LEMD1: variants seen among roughly 807,000 people sequenced by gnomAD.
LEMD1 encodes LEM domain-containing protein 1.
LEMD1 carries 18 observed loss-of-function variants against 17.4 expected under a neutral mutation model. That is an observed-to-expected ratio of 1.04 (90% CI 0.72 to 1.54). LEMD1 has a LOEUF of 1.54. Among genes scored for constraint, LEMD1 ranks in the 40% most tolerant of loss-of-function variants. LEMD1 has a pLI of 0.00. For missense variants in LEMD1, 195 were observed against 210.4 expected (o/e 0.93, Z 0.45); for synonymous variants, 88 against 77.8 (o/e 1.13, Z -0.69).
intron 4 of LEMD1, among the ~76,000 whole-genome samples, chr1:205,415,697 G>A (rs994604969): frequency 6.6e-6 from 1 of 152,146 alleles, no homozygotes; most frequent in Admixed American, 6.5e-5. Context: ...ACTGTGCTAG[G>A]AGGCTTAGAT....
At chr1:205,412,863 A>C (rs1161968574) in intron 4 of LEMD1, among the ~76,000 whole-genome samples, 1 of 152,232 alleles carries the variant, frequency 6.6e-6, no homozygotes, top group African/African-American at 2.4e-5. Flanking sequence ...CACTGGTCCT[A>C]GCTGATGCAT....
At chr1:205,390,479 C>T (rs551384638) in intron 4 of LEMD1, among the ~76,000 whole-genome samples, 14 of 152,224 alleles carry the variant, frequency 9.2e-5, no homozygotes, top group African/African-American at 2.6e-4. Flanking sequence ...AGAAGTATTT[C>T]CTTTAAAATC....
chr1:205,416,407 A>G, intron 3 of LEMD1, 111 bp from the exon 4 acceptor site: 1 of 734,406 alleles, frequency 1.4e-6, no homozygotes, highest in Non-Finnish European at 2.2e-6. Flanking sequence ...CATTTTTGCA[A>G]GGGGATGAAA....
At chr1:205,393,703 G>A (rs545548548) in intron 4 of LEMD1, among the ~76,000 whole-genome samples, 1 of 151,814 alleles carries the variant, frequency 6.6e-6, no homozygotes, top group African/African-American at 2.4e-5. Context: ...AATAGCAAGT[G>A]TTAGCAAGGA....
intron 4 of LEMD1, among the ~76,000 whole-genome samples, chr1:205,410,957 T>A (rs1665364555): frequency 5.0e-4 from 52 of 103,304 alleles, no homozygotes; most frequent in Middle Eastern, 7.7e-3. Flanking sequence ...AAGGAAGAAA[T>A]AGAGAAAGAA....
chr1:205,404,597 C>A (rs1028009646), intron 4 of LEMD1, among the ~76,000 whole-genome samples: 1 of 152,168 alleles, frequency 6.6e-6, no homozygotes. Flanking sequence ...ATGTGTGTCT[C>A]TGCACGTGAG....
At chr1:205,397,227 G>T (rs1183751544) in intron 4 of LEMD1, among the ~76,000 whole-genome samples, 2 of 152,136 alleles carry the variant, frequency 1.3e-5, no homozygotes, top group African/African-American at 4.8e-5. Context: ...CATCACTCAG[G>T]TGCCTGGTCT....
rs943661575 is a variant in LEMD1 at position 205,434,175 on chromosome 1, G to T, written c.-38-13601C>A. Among the ~76,000 whole-genome samples, 3 of 88,610 alleles carry T rather than the reference G, an allele frequency of 3.4e-5. No homozygotes were observed. The South Asian group carries it at 1.7e-3, about 49-fold the overall frequency. The allele number at this position is 88,610 out of a possible 152,430, so 58.1% of individuals were successfully genotyped here. ...TTAGGTTCTGAGAAGCCCAACTAAG[G>T]ATTCTTATCTTTCTTTTTTTTTCTC... On this transcript the variant is annotated intron_variant, in intron 1 of 3. Coordinates refer to the LEMD1 transcript ENST00000367154.
chr1:205,440,945 C>T (rs1666283770), intron 1 of LEMD1: 1 of 152,422 alleles, frequency 6.6e-6, no homozygotes, highest in Admixed American at 6.5e-5. Flanking sequence ...GTCTCCCGCT[C>T]TCTGTGAACT....
chr1:205,395,402 C>G (rs933253827), intron 4 of LEMD1, among the ~76,000 whole-genome samples: 1 of 151,946 alleles, frequency 6.6e-6, no homozygotes, highest in African/African-American at 2.4e-5. Context: ...TGAGACCAGC[C>G]TGACCAACAT....
At chr1:205,400,697 CTT>C (rs1441848398) in intron 4 of LEMD1, among the ~76,000 whole-genome samples, 1 of 150,972 alleles carries the variant, frequency 6.6e-6, no homozygotes, top group Non-Finnish European at 1.5e-5. Flanking sequence ...TTTTTTTTTC[CTT>C]TTTTAAATTA....
chr1:205,411,566 A>G (rs1355313212), intron 4 of LEMD1, among the ~76,000 whole-genome samples: 2 of 150,580 alleles, frequency 1.3e-5, no homozygotes, highest in Non-Finnish European at 3.0e-5. Context: ...AAAAAAAAAA[A>G]AAAGAAAGAA....
chr1:205,416,330 T>C (rs771564246), intron 3 of LEMD1, 34 bp from the exon 4 acceptor site: 72 of 1,377,358 alleles, frequency 5.2e-5, no homozygotes, highest in South Asian at 1.1e-4. Flanking sequence ...AAATAGGCCA[T>C]GAGAACATTT....
upstream of LEMD1, among the ~76,000 whole-genome samples, chr1:205,423,838 G>A (rs1005107998): frequency 2.0e-4 from 31 of 152,058 alleles, no homozygotes; most frequent in African/African-American, 7.0e-4. Context: ...ATTTCTTGAG[G>A]GAAGCAAGTT....
intron 4 of LEMD1, among the ~76,000 whole-genome samples, chr1:205,392,404 T>C (rs145937224): frequency 0.014 from 2,064 of 151,714 alleles, 53 homozygotes; most frequent in African/African-American, 0.047. Flanking sequence ...TAGCCAGGCA[T>C]GATGGTGTGT....
At chr1:205,415,000 G>A (rs1000820600) in intron 4 of LEMD1, among the ~76,000 whole-genome samples, 10 of 152,286 alleles carry the variant, frequency 6.6e-5, no homozygotes, top group African/African-American at 2.4e-4. Flanking sequence ...GCAGCTCTTT[G>A]TATGTGAAGA....
At chr1:205,397,480 A>T (rs988256404) in intron 4 of LEMD1, among the ~76,000 whole-genome samples, 10 of 152,198 alleles carry the variant, frequency 6.6e-5, no homozygotes, top group Non-Finnish European at 1.2e-4. Context: ...GTGGTGGCAC[A>T]CACCTGTAGT....
chr1:205,447,635 G>C (rs1342157510), intron 1 of LEMD1, among the ~76,000 whole-genome samples: 1 of 151,960 alleles, frequency 6.6e-6, no homozygotes, highest in African/African-American at 2.4e-5. Flanking sequence ...GGCAAGCTGA[G>C]TGACAAGCAG....
At chr1:205,395,780 T>C (rs1443889061) in intron 4 of LEMD1, among the ~76,000 whole-genome samples, 2 of 151,880 alleles carry the variant, frequency 1.3e-5, no homozygotes, top group African/African-American at 4.8e-5. Flanking sequence ...CGAGCTTCTA[T>C]AAATTAAAAA....
Sources: allele counts gnomAD v4.1 joint callset (sites outside exome capture counted in the v4.1 genomes callset), GRCh38; gene constraint gnomAD v4.1.1; transcripts MANE v1.5; gene names NCBI Gene and HGNC (gene_info 2026-07-23, HGNC 2026-07-21).